GTF2F2: variants seen among roughly 807,000 people sequenced by gnomAD.
GTF2F2 encodes general transcription factor IIF subunit 2.
Under a neutral mutation model 42.2 loss-of-function variants are expected in GTF2F2, and 23 were observed. The observed-to-expected ratio is 0.55, with a 90% confidence interval of 0.39 to 0.77. GTF2F2 has a LOEUF of 0.77. Among genes scored for constraint, GTF2F2 ranks in the 30% least tolerant of loss-of-function variants. GTF2F2 has a pLI of 0.00. For synonymous variants in GTF2F2, 105 were observed against 100.8 expected (o/e 1.04, Z -0.25); for missense variants, 261 against 287.2 (o/e 0.91, Z 0.66).
rs1877396290 is a variant in GTF2F2, at chr13:45,284,886, TA to T, written c.*1328del. ...ACACACTGAAAAATAAAATTCTGAG[TA>T]AAGAAAGTGTTCCCATTCCCCACTC... On this transcript the variant is annotated 3_prime_UTR_variant, in exon 8 of 8. Transcript: ENST00000340473. 6.6e-6 allele frequency: 1 copy of T among 152,158 alleles called. No individual in the cohort carries two copies. The highest frequency in any genetic ancestry group is 1.5e-5 in the Non-Finnish European group (1 of 68,018). The allele number at this position is 152,158 out of a possible 1,614,324, so 9.4% of individuals were successfully genotyped here.
At chr13:45,260,720 G>C (rs1452673654) in intron 6 of GTF2F2, among the ~76,000 whole-genome samples, 1 of 152,218 alleles carries the variant, frequency 6.6e-6, no homozygotes, top group Non-Finnish European at 1.5e-5. Context: ...ACATTTGGTT[G>C]CATTTTAGTC....
At chr13:45,216,275 A>G (rs143032059) in intron 5 of GTF2F2, among the ~76,000 whole-genome samples, 6 of 152,234 alleles carry the variant, frequency 3.9e-5, no homozygotes, top group South Asian at 2.1e-4. Context: ...TTATACATAT[A>G]TATGTATATT....
At chr13:45,171,105 T>C (rs889790569) in intron 4 of GTF2F2, among the ~76,000 whole-genome samples, 4 of 128,166 alleles carry the variant, frequency 3.1e-5, no homozygotes, top group African/African-American at 1.2e-4. Flanking sequence ...TGAGACAGAG[T>C]CTTGGTCTGT....
chr13:45,189,714 G>A (rs1442937622), intron 4 of GTF2F2, among the ~76,000 whole-genome samples: 2 of 152,114 alleles, frequency 1.3e-5, no homozygotes, highest in Admixed American at 6.5e-5. Flanking sequence ...ATAGGCATGG[G>A]CAAAGGCCAT....
intron 7 of GTF2F2, among the ~76,000 whole-genome samples, chr13:45,280,288 C>T (rs369453221): frequency 2.0e-5 from 3 of 152,188 alleles, no homozygotes; most frequent in African/African-American, 2.4e-5. Flanking sequence ...GTAGCCCAAA[C>T]GGGGAAGTCA....
intron 6 of GTF2F2, among the ~76,000 whole-genome samples, chr13:45,256,793 T>C (rs1876121321): frequency 6.6e-6 from 1 of 152,282 alleles, no homozygotes. Flanking sequence ...TAAAGACTTT[T>C]AATAAAAAAT....
At chr13:45,165,021 G>T (rs1245455910) in intron 4 of GTF2F2, among the ~76,000 whole-genome samples, 2 of 152,094 alleles carry the variant, frequency 1.3e-5, no homozygotes, top group Admixed American at 6.6e-5. Context: ...CAATGATCTT[G>T]TTACGCTATA....
At chr13:45,243,398 A>G in intron 5 of GTF2F2, among the ~76,000 whole-genome samples, 1 of 152,136 alleles carries the variant, frequency 6.6e-6, no homozygotes, top group East Asian at 1.9e-4. Flanking sequence ...CAACTCCGAG[A>G]GATCTAGGTT....
intron 6 of GTF2F2, among the ~76,000 whole-genome samples, chr13:45,253,304 G>A (rs1319121422): frequency 1.3e-5 from 2 of 151,930 alleles, no homozygotes; most frequent in African/African-American, 4.8e-5. Context: ...CTAAATATTA[G>A]TTTTACTATT....
intron 2 of GTF2F2, among the ~76,000 whole-genome samples, chr13:45,138,159 A>AGAAACTT (rs1869732440): frequency 6.6e-6 from 1 of 151,960 alleles, no homozygotes; most frequent in South Asian, 2.1e-4. Flanking sequence ...TTTCTTGCTA[A>AGAAACTT]GCCCCTTCTC....
At chr13:45,142,768 G>C (rs992101914) in intron 2 of GTF2F2, among the ~76,000 whole-genome samples, 2 of 152,148 alleles carry the variant, frequency 1.3e-5, no homozygotes, top group African/African-American at 4.8e-5. Flanking sequence ...AATTTACTTA[G>C]TTTTCATTGC....
At chr13:45,157,212 T>A (rs1870805055) in intron 4 of GTF2F2, among the ~76,000 whole-genome samples, 1 of 152,146 alleles carries the variant, frequency 6.6e-6, no homozygotes, top group African/African-American at 2.4e-5. Context: ...GGAACAAGAC[T>A]GGCATGTTCA....
chr13:45,240,853 T>G (rs1223450062), intron 5 of GTF2F2, among the ~76,000 whole-genome samples: 4 of 151,086 alleles, frequency 2.6e-5, no homozygotes, highest in Admixed American at 2.0e-4. Flanking sequence ...AAATTATAAA[T>G]TCTTGTCTGA....
At chr13:45,232,027 C>T (rs1676323793) in intron 5 of GTF2F2, among the ~76,000 whole-genome samples, 8 of 152,106 alleles carry the variant, frequency 5.3e-5, no homozygotes, top group Admixed American at 4.6e-4. Flanking sequence ...TTTAAATTTG[C>T]TGAATAGAAG....
At chr13:45,182,541 T>G (rs1168896265) in intron 4 of GTF2F2, among the ~76,000 whole-genome samples, 1 of 152,124 alleles carries the variant, frequency 6.6e-6, no homozygotes, top group Non-Finnish European at 1.5e-5. Context: ...TTTATACTCT[T>G]CCTCCATCTC....
intron 7 of GTF2F2, among the ~76,000 whole-genome samples, chr13:45,278,816 C>CTTTTTCT (rs1373556965): frequency 2.4e-3 from 152 of 62,340 alleles, no homozygotes; most frequent in Non-Finnish European, 3.6e-3. Context: ...TTTTCTTTTT[C>CTTTTTCT]TTTTTTTTTT....
At chr13:45,199,515 T>C (rs1336327524) in intron 4 of GTF2F2, among the ~76,000 whole-genome samples, 5 of 151,874 alleles carry the variant, frequency 3.3e-5, no homozygotes, top group Non-Finnish European at 7.4e-5. Flanking sequence ...TTTTTAAAAA[T>C]GAAGTTTTTT....
intron 6 of GTF2F2, among the ~76,000 whole-genome samples, chr13:45,261,037 A>G (rs1876318235): frequency 6.6e-6 from 1 of 152,176 alleles, no homozygotes; most frequent in African/African-American, 2.4e-5. Flanking sequence ...GAGGCAGGAG[A>G]ATCACTTGAA....
chr13:45,194,434 A>G (rs765785812), intron 4 of GTF2F2: 1 of 1,614,176 alleles, frequency 6.2e-7, no homozygotes, highest in South Asian at 1.1e-5. Context: ...TTTTTGAGTA[A>G]TGTATAAATA....
Sources: allele counts gnomAD v4.1 joint callset (sites outside exome capture counted in the v4.1 genomes callset), GRCh38; gene constraint gnomAD v4.1.1; transcripts MANE v1.5; gene names NCBI Gene and HGNC (gene_info 2026-07-23, HGNC 2026-07-21).